The following BMPR1A variants were observed in gnomAD, a reference collection of about 807,000 sequenced individuals.
BMPR1A encodes the protein bone morphogenetic protein receptor type-1A.
A neutral mutation model predicts 66.0 loss-of-function variants in BMPR1A; 7 were observed. The ratio of observed to expected loss-of-function variants is 0.11; its 90% CI spans 0.06 to 0.20. BMPR1A has a LOEUF of 0.20. BMPR1A is among the 10% of genes least tolerant of loss of function. The pLI, the probability that BMPR1A is intolerant of heterozygous loss-of-function variation, is 1.00. For missense variants in BMPR1A, 408 were observed against 669.1 expected (o/e 0.61, Z 4.31); for synonymous variants, 200 against 229.7 (o/e 0.87, Z 1.17).
chr10:86,855,276 C>G, intron 2 of BMPR1A: 1 of 1,092,254 alleles, frequency 9.2e-7, no homozygotes, highest in African/African-American at 1.6e-5. Flanking sequence ...ATACAAAAAC[C>G]TCAGTTTCTT....
At chr10:86,904,763 A>G (rs1181840737) in intron 7 of BMPR1A, among the ~76,000 whole-genome samples, 2 of 152,192 alleles carry the variant, frequency 1.3e-5, no homozygotes, top group Non-Finnish European at 2.9e-5. Context: ...TGGACACTCA[A>G]GTGAGTGACC....
intron 2 of BMPR1A, among the ~76,000 whole-genome samples, chr10:86,847,320 C>T (rs1046862470): frequency 6.6e-6 from 1 of 151,776 alleles, no homozygotes; most frequent in Non-Finnish European, 1.5e-5. Context: ...AATAATTTCT[C>T]TCTTGCACTA....
chr10:86,831,934 G>A (rs1842273495), intron 1 of BMPR1A, among the ~76,000 whole-genome samples: 1 of 152,104 alleles, frequency 6.6e-6, no homozygotes, highest in African/African-American at 2.4e-5. Flanking sequence ...TCAGACACTA[G>A]GGACACAAGC....
In BMPR1A at chr10:86,923,780, G is replaced by A. The variant is rs1843705085; in HGVS notation, c.*61G>A. The A allele has an allele frequency of 1.9e-6, 3 of 1,596,166 alleles. No individual in the cohort carries two copies. Among genetic ancestry groups the A allele is most frequent in the Non-Finnish European group, 1.7e-6 (2 of 1,165,826 alleles). ...AGAACTGTTTTTACCCATGGCATGG[G>A]TGGAATTAGAGTGGAATAAGGATGT... On this transcript the variant is annotated 3_prime_UTR_variant, in exon 13 of 13. Coordinates refer to ENST00000372037, the MANE Select transcript of BMPR1A (RefSeq NM_004329.3).
intron 1 of BMPR1A, among the ~76,000 whole-genome samples, chr10:86,805,625 C>G (rs1841879613): frequency 6.6e-6 from 1 of 151,986 alleles, no homozygotes; most frequent in Non-Finnish European, 1.5e-5. Context: ...CCACGCTGGG[C>G]TAATTTTTTG....
chr10:86,908,452 G>T (rs759623379), intron 7 of BMPR1A, among the ~76,000 whole-genome samples: 2 of 152,170 alleles, frequency 1.3e-5, no homozygotes, highest in African/African-American at 4.8e-5. Context: ...AGTACGAGTC[G>T]ATTTGGGTTA....
intron 1 of BMPR1A, among the ~76,000 whole-genome samples, chr10:86,763,622 A>G (rs1589703968): frequency 7.7e-6 from 1 of 129,088 alleles, no homozygotes; most frequent in Non-Finnish European, 1.6e-5. Context: ...TGCAAGTACC[A>G]AAGGGAGTAT....
intron 2 of BMPR1A, among the ~76,000 whole-genome samples, chr10:86,844,917 C>G (rs1479565822): frequency 6.6e-6 from 1 of 152,190 alleles, no homozygotes. Context: ...GCTGGGATTA[C>G]AGGCACCCGC....
Position 86,790,176 on chromosome 10 carries a change from AAAAAAAAAAAAAATATATAT to A in BMPR1A, c.-268+33259_-268+33278del, listed in dbSNP as rs1459437749. ...GACTCTGTCTCCAAAAAAAAAAAAA[AAAAAAAAAAAAAATATATAT>A]ATATATATATATATATATATATATA... On this transcript the variant is annotated intron_variant, in intron 1 of 12. Coordinates refer to ENST00000372037, the MANE Select transcript of BMPR1A (RefSeq NM_004329.3). 5.0e-3 allele frequency among the ~76,000 whole-genome samples: 217 copies of A among 43,066 alleles called. 25 individuals are homozygous for A. The highest frequency in any genetic ancestry group is 0.022 in the African/African-American group (202 of 9,180). 28.3% of individuals were successfully genotyped at this position (43,066 alleles called of 152,430 possible). A position where few individuals can be genotyped will look rare whatever the true frequency, so the allele number is the denominator to read the frequency against.
At chr10:86,886,005 ATG>A (rs1166669413) in intron 3 of BMPR1A, among the ~76,000 whole-genome samples, 2 of 152,120 alleles carry the variant, frequency 1.3e-5, no homozygotes, top group Non-Finnish European at 2.9e-5. Flanking sequence ...TTGTATGTAT[ATG>A]TTTTCATTTT....
chr10:86,839,737 AG>A (rs1412987322), intron 2 of BMPR1A, among the ~76,000 whole-genome samples: 1 of 151,172 alleles, frequency 6.6e-6, no homozygotes, highest in East Asian at 1.9e-4. Flanking sequence ...CAGTGAGCAT[AG>A]TTTCAACTCC....
At chr10:86,785,549 C>T (rs1841502567) in intron 1 of BMPR1A, among the ~76,000 whole-genome samples, 2 of 152,222 alleles carry the variant, frequency 1.3e-5, no homozygotes, top group Non-Finnish European at 2.9e-5. Context: ...AGGTGATCTG[C>T]CCACTTGGCC....
chr10:86,826,632 A>G (rs1474944325), intron 1 of BMPR1A, among the ~76,000 whole-genome samples: 1 of 152,212 alleles, frequency 6.6e-6, no homozygotes, highest in Non-Finnish European at 1.5e-5. Context: ...TGGAATGAAT[A>G]TACTATATAG....
chr10:86,892,378 G>A, intron 5 of BMPR1A, 149 bp downstream of exon 5: 2 of 647,540 alleles, frequency 3.1e-6, no homozygotes, highest in Non-Finnish European at 5.5e-6. Flanking sequence ...TCTAGATTCT[G>A]TCCTGTATTC....
chr10:86,803,808 G>T (rs2354352), intron 1 of BMPR1A, among the ~76,000 whole-genome samples: 50,594 of 152,014 alleles, frequency 0.33, 9,139 homozygotes, highest in East Asian at 0.69. Flanking sequence ...CTTTAGAAAT[G>T]TTTTATCTGA....
At chr10:86,876,119 GTA>G in intron 3 of BMPR1A, 34 bp downstream of exon 3, 1 of 1,564,664 alleles carries the variant, frequency 6.4e-7, no homozygotes, top group Non-Finnish European at 8.8e-7. Flanking sequence ...ATGTATGTGT[GTA>G]TATAAAAAGC....
chr10:86,912,744 C>G (rs768657237), intron 8 of BMPR1A, among the ~76,000 whole-genome samples: 13 of 152,124 alleles, frequency 8.5e-5, no homozygotes, highest in Non-Finnish European at 1.8e-4. Flanking sequence ...GTATAAGATT[C>G]CTTGCATCTG....
At chr10:86,824,424 A>G (rs1427748119) in intron 1 of BMPR1A, among the ~76,000 whole-genome samples, 1 of 152,094 alleles carries the variant, frequency 6.6e-6, no homozygotes, top group Non-Finnish European at 1.5e-5. Flanking sequence ...CTGTACGGTA[A>G]TTAACTACCT....
chr10:86,787,012 G>C (rs11202177), intron 1 of BMPR1A, among the ~76,000 whole-genome samples: 12,421 of 152,098 alleles, frequency 0.082, 975 homozygotes, highest in African/African-American at 0.2. Flanking sequence ...ATTTTTAATT[G>C]TTTGAATTGT....
Sources: gnomAD v4.1 joint callset for allele counts (sites outside exome capture counted in the v4.1 genomes callset) on GRCh38, gnomAD v4.1.1 for gene constraint, MANE v1.5 for transcripts, NCBI Gene and HGNC (gene_info 2026-07-23, HGNC 2026-07-21) for gene names.